DIP2A: variants seen among roughly 807,000 people sequenced by gnomAD.
DIP2A encodes the protein DIP2 acetate--CoA ligase A.
DIP2A carries 85 observed loss-of-function variants against 177.4 expected under a neutral mutation model. The observed-to-expected ratio is 0.48, with a 90% CI of 0.40 to 0.57. The LOEUF (loss-of-function observed/expected upper bound fraction) is 0.57. DIP2A is among the 20% of genes least tolerant of loss of function. The pLI, the probability that DIP2A is intolerant of heterozygous loss-of-function variation, is 0.00. For missense variants in DIP2A, 1,791 were observed against 2,100.2 expected, an observed-to-expected ratio of 0.85 and a Z score of 2.88; for synonymous variants, 886 against 881.8, an observed-to-expected ratio of 1.00 and a Z score of -0.08.
At chr21:46,494,519 A>G (rs1312034146) in intron 3 of DIP2A, among the ~76,000 whole-genome samples, 1 of 152,242 alleles carries the variant, frequency 6.6e-6, no homozygotes, top group African/African-American at 2.4e-5. Flanking sequence ...GGTGAAATTT[A>G]GATTCTGACA....
chr21:46,532,103 A>G, intron 9 of DIP2A, 24 bp from the exon 10 acceptor site: 1 of 1,593,772 alleles, frequency 6.3e-7, no homozygotes, highest in Non-Finnish European at 8.5e-7. Flanking sequence ...AATTTGGAAT[A>G]TTCATTTCTT....
chr21:46,563,725 A>G lies in DIP2A; in HGVS notation c.4090-133A>G. 7.1e-7 allele frequency: 1 copy of G among 1,405,212 alleles called. No individual in the cohort carries two copies. The highest frequency in any genetic ancestry group is 9.3e-7 in the Non-Finnish European group (1 of 1,071,612). The allele number at this position is 1,405,212 out of a possible 1,614,324, so 87.0% of individuals were successfully genotyped here. A position where few individuals can be genotyped will look rare whatever the true frequency, so the allele number is the denominator to read the frequency against. ...CAAAGTCAAATTTGGAGCGGCCTCT[A>G]AACTTCCTGACCTGACATGAGCACA... On this transcript the variant is annotated intron_variant, in intron 34 of 37. Transcript: ENST00000417564. This position sits in a 1 kb window ranked among gnomAD's most constrained non-coding sequence, Gnocchi z 4.3.
chr21:46,460,342 G>C (rs1260963599), intron 1 of DIP2A, among the ~76,000 whole-genome samples: 2 of 152,192 alleles, frequency 1.3e-5, no homozygotes, highest in African/African-American at 2.4e-5. Flanking sequence ...CTTTGGGAAA[G>C]AGTTAAGTTC....
In DIP2A at chr21:46,471,021, T is replaced by C. The variant is rs888724084; in HGVS notation, c.91+11799T>C. On this transcript the variant is annotated intron_variant, in intron 1 of 37. Transcript: ENST00000417564. Reference sequence around the variant, plus strand: ...AGGAAATGAATTAGGGTTAAGTTAATGGGAAAACTTTATTCTGCCAGTACA... The same window carrying C: ...AGGAAATGAATTAGGGTTAAGTTAACGGGAAAACTTTATTCTGCCAGTACA... Among the ~76,000 whole-genome samples the C allele has an allele frequency of 1.2e-4, 19 of 152,100 alleles. 1 individual carries two copies. The highest frequency in any genetic ancestry group is 1.5e-4 in the Non-Finnish European group (10 of 68,006).
intron 8 of DIP2A, among the ~76,000 whole-genome samples, chr21:46,519,106 T>C (rs985228120): frequency 3.3e-5 from 5 of 152,224 alleles, no homozygotes; most frequent in African/African-American, 1.2e-4. Flanking sequence ...TTGCCATGGC[T>C]GCTGTAAACT....
intron 17 of DIP2A, among the ~76,000 whole-genome samples, chr21:46,540,957 A>G (rs969258320): frequency 1.7e-4 from 25 of 151,352 alleles, no homozygotes; most frequent in South Asian, 2.1e-4. Context: ...GGAGGTTGCA[A>G]TGAGCCAAGA....
intron 8 of DIP2A, among the ~76,000 whole-genome samples, chr21:46,527,001 A>T (rs1316076754): frequency 6.8e-6 from 1 of 147,684 alleles, no homozygotes; most frequent in Admixed American, 6.6e-5. Context: ...CACATTAAGG[A>T]AGTATGTTTC....
In DIP2A at chr21:46,528,527, CTTTTTTTTTTTTTTTT is replaced by C. The variant is rs1162872343; in HGVS notation, c.1103-539_1103-524del. Among the ~76,000 whole-genome samples, 55 of 29,396 alleles carry C rather than the reference CTTTTTTTTTTTTTTTT, an allele frequency of 1.9e-3. 1 individual carries two copies. The highest frequency in any genetic ancestry group is 0.022 in the Middle Eastern group (1 of 46). 19.3% of individuals were successfully genotyped at this position (29,396 alleles called of 152,430 possible). On this transcript the variant is annotated intron_variant, in intron 8 of 37. Transcript: ENST00000417564. ...ACCAAATACTGACTTTTTCTGCTTG[CTTTTTTTTTTTTTTTT>C]TTTTTTTTTTTTTTTTTTTTTTTTT... is the stretch of plus-strand genomic sequence containing the variant.
chr21:46,537,021 A>G lies in DIP2A; in HGVS notation c.1643-203A>G, dbSNP rs960305672. 6.6e-6 allele frequency among the ~76,000 whole-genome samples: 1 copy of G among 152,092 alleles called. No homozygotes were observed. The highest frequency in any genetic ancestry group is 1.5e-5 in the Non-Finnish European group (1 of 68,036). On this transcript the variant is annotated intron_variant, in intron 13 of 37. Transcript: ENST00000417564. The surrounding 1 kb of genome is among the most constrained non-coding windows in gnomAD (Gnocchi z 4.1). ...CAGCGTGGTTCTCTGTGTTAGTTCC[A>G]TGACCTTCTACTTTTATGTGTTTCC...
intron 6 of DIP2A, among the ~76,000 whole-genome samples, chr21:46,506,112 A>G (rs540088140): frequency 1.3e-5 from 2 of 152,222 alleles, no homozygotes; most frequent in South Asian, 2.1e-4. Flanking sequence ...ATTATATTGT[A>G]GGTGTATTTC....
chr21:46,578,615 T>C, the DIP2A span, among the ~76,000 whole-genome samples: 2 of 152,222 alleles, frequency 1.3e-5, no homozygotes, highest in African/African-American at 2.4e-5. Flanking sequence ...GCTGTTATTA[T>C]TTTGAGGCAT....
intron 1 of DIP2A, among the ~76,000 whole-genome samples, chr21:46,478,438 C>T (rs12482279): frequency 0.43 from 65,847 of 151,910 alleles, 14,529 homozygotes; most frequent in African/African-American, 0.48. Flanking sequence ...TCTCGAACTC[C>T]GGACCTCAGG....
At position 46,556,374 on chromosome 21, in the gene DIP2A, G is replaced by A. The variant is rs1380980722; in HGVS notation, c.3498+283G>A. On this transcript the variant is annotated intron_variant, in intron 29 of 37. Coordinates refer to ENST00000417564, the MANE Select transcript of DIP2A (RefSeq NM_015151.4). The surrounding 1 kb of genome is among the most constrained non-coding windows in gnomAD (Gnocchi z 4.5). The stretch of plus-strand genomic sequence containing the variant: ...TTTGAAGAATCTCTTACCTTGCTGG[G>A]AGTCAATAGCTCAATTAAAATTTTT... The A allele has an allele frequency of 2.1e-6, 3 of 1,396,296 alleles. No individual in the cohort carries two copies. Among genetic ancestry groups the A allele is most frequent in the African/African-American group, 2.9e-5 (2 of 69,198 alleles). 86.5% of individuals were successfully genotyped at this position (1,396,296 alleles called of 1,614,324 possible).
chr21:46,568,790 A>G lies in DIP2A; in HGVS notation c.*1168A>G, dbSNP rs888744907. ...ATTTGGAAGCATTGTGGTAAAGTCT[A>G]AGGTTTTCATATCCATAGTGCTGTT... On this transcript the variant is annotated 3_prime_UTR_variant, in exon 38 of 38. Transcript: ENST00000417564. 1 of 152,196 alleles carries G rather than the reference A, an allele frequency of 6.6e-6. No homozygotes were observed. Among genetic ancestry groups the G allele is most frequent in the Non-Finnish European group, 1.5e-5 (1 of 68,052 alleles). 9.4% of individuals were successfully genotyped at this position (152,196 alleles called of 1,614,324 possible).
chr21:46,462,472 T>G (rs894343396), intron 1 of DIP2A: 27 of 152,328 alleles, frequency 1.8e-4, no homozygotes, highest in African/African-American at 6.3e-4. Flanking sequence ...ACATTCCAGG[T>G]TTATTGTCAA....
At position 46,556,389 on chromosome 21, in the gene DIP2A, T is replaced by A; in HGVS notation, c.3498+298T>A. The A allele has an allele frequency of 7.3e-7, 1 of 1,369,650 alleles. No individual in the cohort carries two copies. The highest frequency in any genetic ancestry group is 1.2e-5 in the South Asian group (1 of 81,560). 84.8% of individuals were successfully genotyped at this position (1,369,650 alleles called of 1,614,324 possible). A position where few individuals can be genotyped will look rare whatever the true frequency, so the allele number is the denominator to read the frequency against. Reference sequence around the variant, plus strand: ...ACCTTGCTGGGAGTCAATAGCTCAATTAAAATTTTTCAGGCGGGGCGTGGT... The same window carrying A: ...ACCTTGCTGGGAGTCAATAGCTCAAATAAAATTTTTCAGGCGGGGCGTGGT... On this transcript the variant is annotated intron_variant, in intron 29 of 37. Coordinates refer to ENST00000417564, the MANE Select transcript of DIP2A (RefSeq NM_015151.4). The surrounding 1 kb of genome is among the most constrained non-coding windows in gnomAD (Gnocchi z 4.5).
At chr21:46,499,266 C>T (rs1343083598) in intron 5 of DIP2A, among the ~76,000 whole-genome samples, 1 of 152,132 alleles carries the variant, frequency 6.6e-6, no homozygotes, top group South Asian at 2.1e-4. Flanking sequence ...TTCTCATAGT[C>T]CCCCAGAAGG....
At position 46,560,722 on chromosome 21, in the gene DIP2A, G is replaced by A; in HGVS notation, c.3970G>A (p.Gly1324Ser). The change falls in exon 33 of 38, where the codon GGC (glycine) becomes AGC (serine). Residue 1324 changes from glycine (G) to serine (S), a missense_variant and splice_region_variant. Coordinates refer to ENST00000417564, the MANE Select transcript of DIP2A (RefSeq NM_015151.4). ...CRVNVAICLQGTAGPDPTTVY... is the reference protein window; with the variant it reads ...CRVNVAICLQSTAGPDPTTVY... Reference sequence around the variant, plus strand: ...AGTTCCTCTGCTGCTCTCCTTCCAGGGCACAGCTGGCCCGGACCCCACAAC... The same window carrying A: ...AGTTCCTCTGCTGCTCTCCTTCCAGAGCACAGCTGGCCCGGACCCCACAAC... 6.2e-7 allele frequency: 1 copy of A among 1,606,846 alleles called. No homozygotes were observed. The highest frequency in any genetic ancestry group is 8.5e-7 in the Non-Finnish European group (1 of 1,176,956).
Position 46,458,992 on chromosome 21 carries a change from C to T in DIP2A, c.-140C>T, listed in dbSNP as rs1167693001. 1 of 661,310 alleles carries T rather than the reference C, an allele frequency of 1.5e-6. No individual in the cohort carries two copies. Among genetic ancestry groups the T allele is most frequent in the Non-Finnish European group, 2.3e-6 (1 of 440,276 alleles). The allele number at this position is 661,310 out of a possible 1,614,324, so 41.0% of individuals were successfully genotyped here. A position where few individuals can be genotyped will look rare whatever the true frequency, so the allele number is the denominator to read the frequency against. On this transcript the variant is annotated 5_prime_UTR_variant, in exon 1 of 38. Coordinates refer to ENST00000417564, the MANE Select transcript of DIP2A (RefSeq NM_015151.4). ...CGGGTGCGTTGCTGTCCTGGCCGCG[C>T]CCCTGTCCCGCCGCCTCCCGCTCCT... is the stretch of plus-strand genomic sequence containing the variant.
Sources: gnomAD v4.1 joint callset for allele counts (sites outside exome capture counted in the v4.1 genomes callset) on GRCh38, gnomAD v4.1.1 for gene constraint, Gnocchi (gnomAD v3.1) non-coding constraint, MANE v1.5 for transcripts, NCBI Gene and HGNC (gene_info 2026-07-23, HGNC 2026-07-21) for gene names.